Variants in SMIM36 observed in about 807,000 individuals in gnomAD.
The protein encoded by SMIM36 is small integral membrane protein 36.
chr17:55,465,987 A>G (rs1035539340), intron 4 of SMIM36, among the ~76,000 whole-genome samples: 5 of 152,122 alleles, frequency 3.3e-5, no homozygotes, highest in African/African-American at 9.7e-5. Flanking sequence ...AAGATAAGAA[A>G]GTGCTGGCAG....
the SMIM36 span, among the ~76,000 whole-genome samples, chr17:55,520,365 C>T: frequency 8.5e-5 from 13 of 152,304 alleles, no homozygotes; most frequent in African/African-American, 3.1e-4. Context: ...TTAGCAACCT[C>T]TAGCATAAAT....
chr17:55,469,279 C>G (rs967549865), intron 3 of SMIM36, among the ~76,000 whole-genome samples: 2 of 152,192 alleles, frequency 1.3e-5, no homozygotes. Flanking sequence ...CCAAAATTGC[C>G]TCTGACAGAG....
intron 1 of SMIM36, among the ~76,000 whole-genome samples, chr17:55,510,325 C>T (rs1427445038): frequency 6.6e-6 from 1 of 152,150 alleles, no homozygotes; most frequent in Non-Finnish European, 1.5e-5. Context: ...GTTGCCTTGA[C>T]TGGGTGCAGC....
intron 3 of SMIM36, chr17:55,477,123 T>C (rs1038108083): frequency 1.3e-5 from 2 of 152,196 alleles, no homozygotes; most frequent in African/African-American, 4.8e-5. Flanking sequence ...GAGGCTGCAG[T>C]GAGCTATGAT....
intron 4 of SMIM36, among the ~76,000 whole-genome samples, chr17:55,460,700 A>AT (rs1909132649): frequency 6.6e-6 from 1 of 151,648 alleles, no homozygotes; most frequent in African/African-American, 2.4e-5. Flanking sequence ...ACTAAAAAAT[A>AT]CAAAAAAATT....
At chr17:55,516,396 A>G (rs574019776), upstream of SMIM36, among the ~76,000 whole-genome samples, 1 of 152,286 alleles carries the variant, frequency 6.6e-6, no homozygotes, top group East Asian at 1.9e-4. Flanking sequence ...CGCTTATACC[A>G]AAGTCCATAG....
intron 4 of SMIM36, among the ~76,000 whole-genome samples, chr17:55,451,169 G>A (rs1168005438): frequency 6.6e-6 from 1 of 152,200 alleles, no homozygotes; most frequent in Non-Finnish European, 1.5e-5. Flanking sequence ...ACAGGTGTGA[G>A]CCACTGTGCC....
At chr17:55,515,521 A>C (rs1464477730), upstream of SMIM36, among the ~76,000 whole-genome samples, 1 of 152,172 alleles carries the variant, frequency 6.6e-6, no homozygotes. Flanking sequence ...GTGAGATTTC[A>C]CTGGAGAAGT....
At chr17:55,482,279 TAC>T (rs1220024592) in intron 1 of SMIM36, among the ~76,000 whole-genome samples, 1 of 152,124 alleles carries the variant, frequency 6.6e-6, no homozygotes, top group Non-Finnish European at 1.5e-5. Context: ...AATTATCTTA[TAC>T]TCCCACCGCA....
At chr17:55,494,960 G>A (rs1021447814) in intron 1 of SMIM36, among the ~76,000 whole-genome samples, 1 of 152,112 alleles carries the variant, frequency 6.6e-6, no homozygotes, top group Non-Finnish European at 1.5e-5. Context: ...TACCTCTCAG[G>A]GTTACAGTGA....
At chr17:55,473,730 C>T (rs775502921) in intron 3 of SMIM36, among the ~76,000 whole-genome samples, 5 of 152,190 alleles carry the variant, frequency 3.3e-5, no homozygotes, top group Admixed American at 6.5e-5. Flanking sequence ...CTGCAGGGTA[C>T]AGTCCATTTG....
chr17:55,454,780 G>T (rs1222553569), intron 4 of SMIM36, among the ~76,000 whole-genome samples: 1 of 152,178 alleles, frequency 6.6e-6, no homozygotes, highest in African/African-American at 2.4e-5. Flanking sequence ...ACATAATACA[G>T]AAGGTAAAAT....
chr17:55,478,879 C>T (rs1277880786), intron 2 of SMIM36, 66 bp from the exon 3 acceptor site: 2 of 152,166 alleles, frequency 1.3e-5, no homozygotes, highest in Non-Finnish European at 2.9e-5. Context: ...ATACCTAGAT[C>T]TGTCATATTG....
At chr17:55,451,938 A>G (rs979337423) in intron 4 of SMIM36, among the ~76,000 whole-genome samples, 4 of 151,956 alleles carry the variant, frequency 2.6e-5, no homozygotes, top group African/African-American at 9.7e-5. Flanking sequence ...CGCCACAAAA[A>G]ATAAAAAGAT....
At chr17:55,468,622 T>A (rs913244575) in intron 3 of SMIM36, among the ~76,000 whole-genome samples, 5 of 152,164 alleles carry the variant, frequency 3.3e-5, no homozygotes, top group Non-Finnish European at 7.3e-5. Flanking sequence ...ATTGCTGGGA[T>A]GCCTGCTTTG....
intron 3 of SMIM36, among the ~76,000 whole-genome samples, chr17:55,478,191 C>T (rs535900801): frequency 1.3e-5 from 2 of 150,758 alleles, no homozygotes; most frequent in East Asian, 3.9e-4. Flanking sequence ...CCTCCTCCCC[C>T]CACCCAAAAA....
intron 1 of SMIM36, among the ~76,000 whole-genome samples, chr17:55,485,458 T>G (rs4794593): frequency 0.03 from 4,509 of 150,844 alleles, 343 homozygotes; most frequent in Admixed American, 0.15. Flanking sequence ...GCTGATTTTT[T>G]TTTTTTTTCC....
exon 1 of SMIM36, chr17:55,510,932 C>G: frequency 2.5e-6 from 1 of 396,190 alleles, no homozygotes; most frequent in Non-Finnish European, 4.4e-6. Flanking sequence ...GCAAGTAAGA[C>G]AGAGCTCTCA....
the SMIM36 span, among the ~76,000 whole-genome samples, chr17:55,523,830 A>C: frequency 6.6e-6 from 1 of 152,184 alleles, no homozygotes; most frequent in Non-Finnish European, 1.5e-5. Flanking sequence ...AAGCTCATTA[A>C]AAGTTTCTTT....
Sources: gnomAD v4.1 joint callset for allele counts (sites outside exome capture counted in the v4.1 genomes callset) on GRCh38, gnomAD v4.1.1 for gene constraint, MANE v1.5 for transcripts, NCBI Gene and HGNC (gene_info 2026-07-23, HGNC 2026-07-21) for gene names.